Variants in ST3GAL6 observed in about 807,000 individuals in gnomAD.
ST3GAL6 encodes the protein type 2 lactosamine alpha-2,3-sialyltransferase.
In ST3GAL6, 31 loss-of-function variants were observed where a neutral mutation model predicts 40.5. That is an observed-to-expected ratio of 0.77 (90% CI 0.58 to 1.03). The LOEUF is 1.03. Ranked by LOEUF, ST3GAL6 falls within the 50% of genes least tolerant of loss-of-function variation. The probability of loss-of-function intolerance (pLI) is 0.00; values close to 1 mark genes in which losing one functional copy is unlikely to be tolerated. For synonymous variants in ST3GAL6, 129 were observed against 136.9 expected (o/e 0.94, Z 0.40); for missense variants, 357 against 393.2 (o/e 0.91, Z 0.78).
At chr3:98,758,504 A>G (rs558389951), upstream of ST3GAL6, among the ~76,000 whole-genome samples, 1 of 152,336 alleles carries the variant, frequency 6.6e-6, no homozygotes, top group East Asian at 1.9e-4. Context: ...TAAAAAAGAT[A>G]TGGTTTCTAT....
chr3:98,744,935 A>T (rs1237508856), intron 1 of ST3GAL6, among the ~76,000 whole-genome samples: 1 of 152,202 alleles, frequency 6.6e-6, no homozygotes, highest in Non-Finnish European at 1.5e-5. Context: ...TTTGGTTAGT[A>T]ATAGGGAACC....
At position 98,787,993 on chromosome 3, in the gene ST3GAL6, A is replaced by G. The variant is rs185075707; in HGVS notation, c.432-43A>G. On this transcript the variant is annotated intron_variant, in intron 6 of 9. Transcript: ENST00000483910. ...GAGAACTGTGATGGGAATGGCAGAT[A>G]CTGCACTTGGTCTACATATCTTGTA... 8 of 1,552,070 alleles carry G rather than the reference A, an allele frequency of 5.2e-6. No individual in the cohort carries two copies. In the East Asian group the frequency reaches 1.6e-4, roughly 31 times the overall value.
At chr3:98,754,595 G>A (rs1441470442) in intron 1 of ST3GAL6, among the ~76,000 whole-genome samples, 1 of 152,182 alleles carries the variant, frequency 6.6e-6, no homozygotes, top group African/African-American at 2.4e-5. Flanking sequence ...TTTGAAAGAA[G>A]TTCTGTGGCT....
chr3:98,752,062 A>C (rs1386104208), intron 1 of ST3GAL6, among the ~76,000 whole-genome samples: 1 of 152,186 alleles, frequency 6.6e-6, no homozygotes, highest in Non-Finnish European at 1.5e-5. Flanking sequence ...GAAAAACCCC[A>C]CCTTCATCCT....
In ST3GAL6 at chr3:98,773,917, TA is replaced by T. The variant is rs750140914; in HGVS notation, c.272-2del. ...TATTCATAACACTCCATTTGTTTTC[TA>T]GCGGAATATTTTCGACTTGCTCTTT... is the stretch of plus-strand genomic sequence containing the variant. On this transcript the variant is annotated splice_acceptor_variant, in intron 4 of 9. Transcript: ENST00000483910. LOFTEE classifies it high-confidence loss of function. The T allele has an allele frequency of 6.2e-7, 1 of 1,612,362 alleles. No individual in the cohort carries two copies. The highest frequency in any genetic ancestry group is 8.5e-7 in the Non-Finnish European group (1 of 1,178,474).
At position 98,773,920 on chromosome 3, in the gene ST3GAL6, C is replaced by A; in HGVS notation, c.272C>A (p.Ala91Glu). The A allele has an allele frequency of 6.2e-7, 1 of 1,611,884 alleles. No individual in the cohort carries two copies. Among genetic ancestry groups the A allele is most frequent in the Non-Finnish European group, 8.5e-7 (1 of 1,178,240 alleles). ...TCATAACACTCCATTTGTTTTCTAG[C>A]GGAATATTTTCGACTTGCTCTTTCA... ...FDLPYGMRTS[A>E]EYFRLALSKL... Residue 91 changes from alanine to glutamate, a missense_variant and splice_region_variant, in exon 5 of 10, where the codon GCG becomes GAG. Physicochemically the swap from Ala to Glu is moderately radical, Grantham distance 107 (BLOSUM62 -1). Transcript: ENST00000483910.
intron 6 of ST3GAL6, among the ~76,000 whole-genome samples, chr3:98,786,117 C>T (rs1381004815): frequency 6.6e-6 from 1 of 151,988 alleles, no homozygotes; most frequent in Non-Finnish European, 1.5e-5. Flanking sequence ...GTTAGATTTG[C>T]AGTGGGTTTG....
chr3:98,763,549 G>T, intron 1 of ST3GAL6, 110 bp downstream of exon 1: 1 of 1,000,056 alleles, frequency 1.0e-6, no homozygotes, highest in Admixed American at 2.5e-5. Context: ...GGTAGAAGGG[G>T]GATGTGCTTC....
At chr3:98,771,509 G>A (rs1229070554) in intron 3 of ST3GAL6, among the ~76,000 whole-genome samples, 1 of 152,094 alleles carries the variant, frequency 6.6e-6, no homozygotes, top group Non-Finnish European at 1.5e-5. Flanking sequence ...TTGACAGATT[G>A]CTGGTCAAAA....
upstream of ST3GAL6, among the ~76,000 whole-genome samples, chr3:98,762,366 C>T (rs1937885079): frequency 6.6e-6 from 1 of 152,212 alleles, no homozygotes; most frequent in Admixed American, 6.5e-5. Flanking sequence ...TGTTAATTTA[C>T]TCAGCAATGT....
At position 98,794,837 on chromosome 3, in the gene ST3GAL6, T is replaced by C. The variant is rs543977874; in HGVS notation, c.*1076T>C. ...ATTGCTTGAGCCCGGGAGGCAGAGGTTGCAGTGAGCCAAGATCGCGCCACT... is the reference window on the plus strand; with the variant it reads ...ATTGCTTGAGCCCGGGAGGCAGAGGCTGCAGTGAGCCAAGATCGCGCCACT... On this transcript the variant is annotated 3_prime_UTR_variant, in exon 10 of 10. Transcript: ENST00000483910. The C allele has an allele frequency of 6.6e-6, 1 of 152,396 alleles. No homozygotes were observed. The highest frequency in any genetic ancestry group is 2.4e-5 in the African/African-American group (1 of 41,550). The allele number at this position is 152,396 out of a possible 1,614,324, so 9.4% of individuals were successfully genotyped here.
chr3:98,768,737 T>C (rs544079469), intron 2 of ST3GAL6, among the ~76,000 whole-genome samples: 3 of 152,216 alleles, frequency 2.0e-5, no homozygotes, highest in Non-Finnish European at 2.9e-5. Context: ...CTACTTTCTA[T>C]TGACTTCCCA....
In ST3GAL6 at chr3:98,788,305, C is replaced by G; in HGVS notation, c.619-21C>G. On this transcript the variant is annotated intron_variant, in intron 7 of 9. Coordinates refer to ENST00000483910, the MANE Select transcript of ST3GAL6 (RefSeq NM_001323368.2). ...AAACAGACAGCCACACTGTTCTATT[C>G]TCTATATTTTTTACTTTCAGAACAC... 6 of 1,600,622 alleles carry G rather than the reference C, an allele frequency of 3.7e-6. No individual in the cohort carries two copies. In the South Asian group the frequency reaches 6.8e-5, roughly 18 times the overall value.
intron 1 of ST3GAL6, among the ~76,000 whole-genome samples, chr3:98,748,124 T>C (rs1394693407): frequency 2.0e-5 from 3 of 152,254 alleles, no homozygotes; most frequent in African/African-American, 7.2e-5. Flanking sequence ...GCACACCTAA[T>C]ATTTCATGAT....
intron 1 of ST3GAL6, among the ~76,000 whole-genome samples, chr3:98,750,989 C>A (rs2107337003): frequency 6.6e-6 from 1 of 152,182 alleles, no homozygotes; most frequent in East Asian, 1.9e-4. Flanking sequence ...ATCCCTGTTT[C>A]CCCCAGTATG....
chr3:98,740,275 C>T, intron 1 of ST3GAL6, among the ~76,000 whole-genome samples: 1 of 126,626 alleles, frequency 7.9e-6, no homozygotes, highest in Non-Finnish European at 1.6e-5. Flanking sequence ...GGTTCTTCTG[C>T]TTTAGTCATA....
At chr3:98,759,165 A>T (rs1157025038), upstream of ST3GAL6, among the ~76,000 whole-genome samples, 1 of 152,256 alleles carries the variant, frequency 6.6e-6, no homozygotes, top group African/African-American at 2.4e-5. Context: ...TATGCCAAGT[A>T]CAGCGTGTGG....
intron 5 of ST3GAL6, among the ~76,000 whole-genome samples, chr3:98,777,155 C>T (rs745530204): frequency 2.0e-5 from 3 of 152,192 alleles, no homozygotes; most frequent in Non-Finnish European, 2.9e-5. Flanking sequence ...GAGGAAAGGG[C>T]GAAGGGCATA....
intron 6 of ST3GAL6, among the ~76,000 whole-genome samples, chr3:98,785,323 A>G (rs1235834632): frequency 6.6e-6 from 1 of 152,186 alleles, no homozygotes; most frequent in Non-Finnish European, 1.5e-5. Context: ...AGGGAAGAAA[A>G]TGAGTAATTA....
Sources: gnomAD v4.1 joint callset for allele counts (sites outside exome capture counted in the v4.1 genomes callset) on GRCh38, gnomAD v4.1.1 for gene constraint, MANE v1.5 for transcripts, NCBI Gene and HGNC (gene_info 2026-07-23, HGNC 2026-07-21) for gene names.